ARHGEF3: variants seen among roughly 807,000 people sequenced by gnomAD.
ARHGEF3 encodes the protein 59.8 kDA protein.
ARHGEF3 carries 28 observed loss-of-function variants against 63.2 expected under a neutral mutation model. That is an observed-to-expected ratio of 0.44 (90% CI 0.33 to 0.61). The LOEUF (loss-of-function observed/expected upper bound fraction) is 0.61. ARHGEF3 is among the 20% of genes least tolerant of loss of function. ARHGEF3 has a pLI of 0.03. For missense variants in ARHGEF3, 533 were observed against 659.3 expected (o/e 0.81, Z 2.10); for synonymous variants, 266 against 254.2 (o/e 1.05, Z -0.44).
rs573556936 is a variant in ARHGEF3, at chr3:57,030,042, G to T, written c.62+5046C>A. On this transcript the variant is annotated intron_variant, in intron 2 of 12. Transcript: ENST00000338458. ...AGAAGAGAGCAGCTAAGAGCAAGCA[G>T]CGAAACCACCACGTCTAATGGGGAG... Among the ~76,000 whole-genome samples the T allele has an allele frequency of 2.0e-5, 3 of 152,302 alleles. No individual in the cohort carries two copies. The South Asian group carries it at 6.2e-4, about 32-fold the overall frequency.
chr3:56,833,994 C>T (rs551162520), intron 4 of ARHGEF3, among the ~76,000 whole-genome samples: 10 of 149,492 alleles, frequency 6.7e-5, no homozygotes, highest in Admixed American at 6.0e-4. Flanking sequence ...GCCTCCACCT[C>T]CCAGGTTTAA....
chr3:56,897,861 G>A (rs1026108928), intron 3 of ARHGEF3, among the ~76,000 whole-genome samples: 2 of 151,894 alleles, frequency 1.3e-5, no homozygotes, highest in Non-Finnish European at 2.9e-5. Flanking sequence ...CACCATGCCC[G>A]GCCCTATTTT....
chr3:56,898,767 C>T (rs77098046), intron 3 of ARHGEF3: 4,514 of 154,002 alleles, frequency 0.029, 229 homozygotes, highest in African/African-American at 0.1. Context: ...ATATAAAACA[C>T]ACTTCATGGC....
intron 2 of ARHGEF3, among the ~76,000 whole-genome samples, chr3:57,022,371 T>G (rs9841886): frequency 0.026 from 4,001 of 151,518 alleles, 213 homozygotes; most frequent in African/African-American, 0.092. Flanking sequence ...CTGATCAGAC[T>G]GATCCACACG....
At position 56,740,270 on chromosome 3, in the gene ARHGEF3, T is replaced by A. The variant is rs961418325; in HGVS notation, c.871-2915A>T. Among the ~76,000 whole-genome samples the A allele has an allele frequency of 7.4e-5, 11 of 148,430 alleles. No individual in the cohort carries two copies. The South Asian group carries it at 1.5e-3, about 20-fold the overall frequency. On this transcript the variant is annotated intron_variant, in intron 7 of 9. Coordinates refer to ENST00000296315, the MANE Select transcript of ARHGEF3 (RefSeq NM_019555.3). Reference sequence around the variant, plus strand: ...GGTGGTAGCACTCACTACTTTGATTTAAAAAAAAAAACCCTTATTTTAAAA... The same window carrying A: ...GGTGGTAGCACTCACTACTTTGATTAAAAAAAAAAAACCCTTATTTTAAAA...
intron 2 of ARHGEF3, among the ~76,000 whole-genome samples, chr3:56,967,297 AATTATATATTATAT>A (rs562517224): frequency 3.0e-4 from 26 of 86,684 alleles, no homozygotes; most frequent in African/African-American, 7.9e-4. Context: ...ATATTATACA[AATTATATATTATAT>A]ATTATATATT....
At chr3:56,906,734 G>T (rs953883897) in intron 3 of ARHGEF3, among the ~76,000 whole-genome samples, 13 of 151,806 alleles carry the variant, frequency 8.6e-5, no homozygotes, top group African/African-American at 3.1e-4. Flanking sequence ...TACTCGGGAG[G>T]CTGAGGTAGG....
At chr3:57,002,357 A>G (rs1214722599) in intron 2 of ARHGEF3, among the ~76,000 whole-genome samples, 1 of 148,030 alleles carries the variant, frequency 6.8e-6, no homozygotes, top group Non-Finnish European at 1.5e-5. Context: ...TTAAGGGTAG[A>G]ATAATGGTAA....
chr3:56,916,979 C>A (rs1313694400), intron 3 of ARHGEF3, among the ~76,000 whole-genome samples: 2 of 152,172 alleles, frequency 1.3e-5, no homozygotes, highest in Non-Finnish European at 2.9e-5. Flanking sequence ...TTCTGGAAAC[C>A]TCCCTTTCAA....
chr3:56,801,619 T>C (rs2037652761), intron 1 of ARHGEF3, 84 bp downstream of exon 1: 2 of 1,489,602 alleles, frequency 1.3e-6, no homozygotes, highest in South Asian at 1.3e-5. Flanking sequence ...ACAGTGACAC[T>C]GGACGGGCGC....
intron 4 of ARHGEF3, chr3:56,882,231 A>G: frequency 2.7e-6 from 4 of 1,484,034 alleles, no homozygotes; most frequent in Non-Finnish European, 3.7e-6. Context: ...TTATTAACAA[A>G]TAACCTTCGG....
chr3:56,852,954 G>A (rs1434016721), intron 4 of ARHGEF3, among the ~76,000 whole-genome samples: 1 of 152,142 alleles, frequency 6.6e-6, no homozygotes, highest in Non-Finnish European at 1.5e-5. Flanking sequence ...AAAAGTAAGG[G>A]CTAAAAATAG....
rs78659815 is a variant in ARHGEF3 at position 57,073,640 on chromosome 3, C to T, written c.-28+5586G>A. The T allele has an allele frequency of 2.6e-4, 397 of 1,554,130 alleles. 1 individual carries two copies. The African/African-American group carries it at 4.3e-3, about 17-fold the overall frequency. ...CTGCATGCTCCTCAGGGATTGGCTC[C>T]GGCCAAGTGCCCCAGCCTCCTTTTC... On this transcript the variant is annotated intron_variant, in intron 1 of 12. Transcript: ENST00000338458.
rs146156570 is a variant in ARHGEF3 at position 56,816,187 on chromosome 3, C to A, written c.193-42371G>T. 2.9e-3 allele frequency among the ~76,000 whole-genome samples: 442 copies of A among 152,250 alleles called. 2 individuals carry two copies. The highest frequency in any genetic ancestry group is 4.7e-3 in the Non-Finnish European group (318 of 68,008). ...CTATGATTGTACCACTACACTCCAG[C>A]CTGAGTGACAGAGCAAGACTCTGTC... On this transcript the variant is annotated intron_variant, in intron 4 of 12. Transcript: ENST00000338458.
chr3:57,006,802 C>A (rs539414044), intron 2 of ARHGEF3, among the ~76,000 whole-genome samples: 1 of 152,204 alleles, frequency 6.6e-6, no homozygotes, highest in Non-Finnish European at 1.5e-5. Context: ...CCATCAGAAC[C>A]AATGAACCAG....
chr3:56,884,993 T>A (rs574345298), intron 3 of ARHGEF3, among the ~76,000 whole-genome samples: 2 of 152,302 alleles, frequency 1.3e-5, no homozygotes, highest in East Asian at 3.9e-4. Flanking sequence ...TTACATACAC[T>A]GTTCAAAGGT....
At chr3:56,789,803 C>T (rs2036994749) in intron 1 of ARHGEF3, among the ~76,000 whole-genome samples, 1 of 152,076 alleles carries the variant, frequency 6.6e-6, no homozygotes, top group Admixed American at 6.5e-5. Flanking sequence ...CTATCACCTG[C>T]CATAAACAGA....
intron 1 of ARHGEF3, among the ~76,000 whole-genome samples, chr3:56,791,346 G>A (rs1021393988): frequency 1.3e-5 from 2 of 152,078 alleles, no homozygotes; most frequent in African/African-American, 4.8e-5. Flanking sequence ...GGCTGAGGTG[G>A]GTGGGAGGAT....
chr3:56,913,039 T>C (rs28670905), intron 3 of ARHGEF3, among the ~76,000 whole-genome samples: 7,299 of 151,832 alleles, frequency 0.048, 596 homozygotes, highest in African/African-American at 0.16. Context: ...CTCAGGAGGC[T>C]GAGGTGGGAA....
Sources: gnomAD v4.1 joint callset for allele counts (sites outside exome capture counted in the v4.1 genomes callset) on GRCh38, gnomAD v4.1.1 for gene constraint, MANE v1.5 for transcripts, NCBI Gene and HGNC (gene_info 2026-07-23, HGNC 2026-07-21) for gene names.